The following DENND1B variants were observed in gnomAD, a reference collection of about 807,000 sequenced individuals.
DENND1B encodes DENN domain containing 1B, also known as DENN domain-containing protein 1B.
A neutral mutation model predicts 90.1 loss-of-function variants in DENND1B; 59 were observed. The ratio of observed to expected loss-of-function variants is 0.65; its 90% CI spans 0.53 to 0.81. DENND1B has a LOEUF of 0.81. DENND1B is among the 40% of genes least tolerant of loss of function. The pLI, the probability that DENND1B is intolerant of heterozygous loss-of-function variation, is 0.00. For missense variants in DENND1B, 862 were observed against 912.6 expected (o/e 0.94, Z 0.71); for synonymous variants, 337 against 324.6 (o/e 1.04, Z -0.41).
At chr1:197,740,504 A>C (rs899733963) in intron 2 of DENND1B, among the ~76,000 whole-genome samples, 2 of 152,316 alleles carry the variant, frequency 1.3e-5, no homozygotes, top group East Asian at 3.9e-4. Context: ...TTGAGGTTGT[A>C]GACAAATTTC....
At chr1:197,685,770 T>G (rs1657170101) in intron 3 of DENND1B, 1 of 147,696 alleles carries the variant, frequency 6.8e-6, no homozygotes, top group African/African-American at 2.5e-5. Context: ...GTCCTAAGTG[T>G]TTTTTTTTTA....
intron 14 of DENND1B, among the ~76,000 whole-genome samples, chr1:197,593,774 T>A (rs1374500997): frequency 1.3e-5 from 2 of 152,124 alleles, no homozygotes; most frequent in Non-Finnish European, 2.9e-5. Flanking sequence ...GTTTAGTTTA[T>A]AAAGATGAAT....
At chr1:197,720,441 A>G (rs1186882169) in intron 2 of DENND1B, among the ~76,000 whole-genome samples, 3 of 151,810 alleles carry the variant, frequency 2.0e-5, no homozygotes, top group East Asian at 1.9e-4. Flanking sequence ...AGGTCTCGCT[A>G]TGTTACCCAG....
intron 20 of DENND1B, among the ~76,000 whole-genome samples, chr1:197,523,736 T>C (rs2125618560): frequency 6.6e-6 from 1 of 152,272 alleles, no homozygotes; most frequent in South Asian, 2.1e-4. Flanking sequence ...CTCAGCCTCT[T>C]ATACAAACAG....
chr1:197,629,331 G>A, intron 10 of DENND1B, among the ~76,000 whole-genome samples: 1 of 151,992 alleles, frequency 6.6e-6, no homozygotes, highest in East Asian at 1.9e-4. Context: ...TATACACCAT[G>A]GAATACTATG....
intron 10 of DENND1B, among the ~76,000 whole-genome samples, chr1:197,635,364 G>T (rs2125905263): frequency 6.6e-6 from 1 of 151,964 alleles, no homozygotes; most frequent in South Asian, 2.1e-4. Flanking sequence ...TTTGATACAG[G>T]GTCTCATTCT....
chr1:197,662,238 A>T (rs1197632753), intron 5 of DENND1B, among the ~76,000 whole-genome samples: 1 of 152,106 alleles, frequency 6.6e-6, no homozygotes, highest in African/African-American at 2.4e-5. Context: ...CTAGTTAGTT[A>T]TACGTCCATC....
At chr1:197,743,357 GTAGTCTA>G (rs1663394682) in intron 2 of DENND1B, among the ~76,000 whole-genome samples, 1 of 151,934 alleles carries the variant, frequency 6.6e-6, no homozygotes, top group Non-Finnish European at 1.5e-5. Context: ...ACACTATACT[GTAGTCTA>G]TTAAGTGTGC....
intron 15 of DENND1B, among the ~76,000 whole-genome samples, chr1:197,569,130 A>T (rs1672933968): frequency 6.6e-6 from 1 of 152,158 alleles, no homozygotes; most frequent in South Asian, 2.1e-4. Flanking sequence ...TTGGAAAAAA[A>T]ACATTGATCA....
chr1:197,573,427 C>G (rs1222336227), intron 15 of DENND1B, among the ~76,000 whole-genome samples: 1 of 152,062 alleles, frequency 6.6e-6, no homozygotes, highest in Non-Finnish European at 1.5e-5. Context: ...CTGAATAGAC[C>G]AATAACAGGC....
intron 15 of DENND1B, among the ~76,000 whole-genome samples, chr1:197,571,075 A>AAC (rs1416756293): frequency 1.9e-5 from 1 of 52,968 alleles, no homozygotes; most frequent in Non-Finnish European, 4.2e-5. Flanking sequence ...CTACCTCTCA[A>AAC]ACAAACAAAT....
At chr1:197,757,856 A>G (rs138887981) in intron 2 of DENND1B, among the ~76,000 whole-genome samples, 2 of 152,290 alleles carry the variant, frequency 1.3e-5, no homozygotes, top group South Asian at 2.1e-4. Context: ...ATTGCACTAT[A>G]CCTCTCAACT....
intron 2 of DENND1B, among the ~76,000 whole-genome samples, chr1:197,721,476 C>T (rs1330105829): frequency 6.6e-6 from 1 of 151,752 alleles, no homozygotes; most frequent in Non-Finnish European, 1.5e-5. Context: ...CAATGATTAG[C>T]ATTATGCGTC....
chr1:197,516,168 T>TA (rs1402056789), intron 20 of DENND1B, among the ~76,000 whole-genome samples: 2 of 151,874 alleles, frequency 1.3e-5, no homozygotes, highest in Non-Finnish European at 2.9e-5. Flanking sequence ...TAAACAGAAG[T>TA]AAAACTGATT....
intron 10 of DENND1B, among the ~76,000 whole-genome samples, chr1:197,631,971 C>T (rs1365277602): frequency 6.6e-6 from 1 of 152,022 alleles, no homozygotes; most frequent in African/African-American, 2.4e-5. Flanking sequence ...CTACATTCTC[C>T]CTTTTCTTAC....
intron 5 of DENND1B, among the ~76,000 whole-genome samples, chr1:197,667,678 C>T (rs569294307): frequency 2.0e-5 from 3 of 152,166 alleles, no homozygotes; most frequent in Non-Finnish European, 2.9e-5. Context: ...GGATTACAGG[C>T]GTGGGCCCCT....
At chr1:197,702,873 A>T (rs1659175303) in intron 3 of DENND1B, among the ~76,000 whole-genome samples, 1 of 152,208 alleles carries the variant, frequency 6.6e-6, no homozygotes, top group African/African-American at 2.4e-5. Flanking sequence ...AGTGTTTAAG[A>T]CTAAACTAGG....
At position 197,510,349 on chromosome 1, in the gene DENND1B, A is replaced by T. The variant is rs1028519835; in HGVS notation, c.*111T>A. The T allele has an allele frequency of 2.3e-6, 3 of 1,280,238 alleles. No individual in the cohort carries two copies. The highest frequency in any genetic ancestry group is 3.0e-5 in the African/African-American group (2 of 65,708). The allele number at this position is 1,280,238 out of a possible 1,614,324, so 79.3% of individuals were successfully genotyped here. On this transcript the variant is annotated 3_prime_UTR_variant, in exon 23 of 23. Coordinates refer to ENST00000620048, the MANE Select transcript of DENND1B (RefSeq NM_001195215.2). ...TGAACAAGTGAGAAAAATGTTGCAA[A>T]TGCAAAAAAAAATTTAAATAGTATG... is the stretch of plus-strand genomic sequence containing the variant.
chr1:197,576,971 A>G (rs2125753973), intron 15 of DENND1B, among the ~76,000 whole-genome samples: 1 of 152,226 alleles, frequency 6.6e-6, no homozygotes, highest in South Asian at 2.1e-4. Flanking sequence ...AAAAAGGCCT[A>G]TATTCATGGA....
Sources: gnomAD v4.1 joint callset for allele counts (sites outside exome capture counted in the v4.1 genomes callset) on GRCh38, gnomAD v4.1.1 for gene constraint, MANE v1.5 for transcripts, NCBI Gene and HGNC (gene_info 2026-07-23, HGNC 2026-07-21) for gene names.